MYH6: variants seen among roughly 807,000 people sequenced by gnomAD.
MYH6 encodes the protein myosin heavy chain 6.
Under a neutral mutation model 223.2 loss-of-function variants are expected in MYH6, and 126 were observed. That is an observed-to-expected ratio of 0.56 (90% CI 0.49 to 0.65). The LOEUF (loss-of-function observed/expected upper bound fraction) is 0.65, where lower values mean the gene tolerates loss of function less well. Ranked by LOEUF, MYH6 falls within the 30% of genes least tolerant of loss-of-function variation. The pLI, the probability that MYH6 is intolerant of heterozygous loss-of-function variation, is 0.00. For missense variants in MYH6, 2,040 were observed against 2,536.4 expected (o/e 0.80, Z 4.20); for synonymous variants, 978 against 1,010.2 (o/e 0.97, Z 0.61).
chr14:23,388,314 C>T lies in MYH6; in HGVS notation c.4200G>A (p.Gln1400=). The T allele has an allele frequency of 6.2e-7, 1 of 1,613,334 alleles. No homozygotes were observed. Among genetic ancestry groups the T allele is most frequent in the Admixed American group, 1.7e-5 (1 of 60,032 alleles). The change falls in exon 30 of 39, where the codon CAG becomes CAA. Residue 1400 remains glutamine, a synonymous_variant. Transcript: ENST00000405093. ...CAGCCTCCACGGCCTCCTCGGCATC[C>T]TGCAGCCGCTGGGCCAGCTTCTTTC... ...EAKKKLAQRL[Q]DAEEAVEAVN...
In MYH6 at chr14:23,407,000, C is replaced by T. The variant is rs770868046; in HGVS notation, c.201+23G>A. On this transcript the variant is annotated intron_variant, in intron 3 of 38. Transcript: ENST00000405093. Reference sequence around the variant, plus strand: ...CTTTCCCAGACCTCCTTCCCTTCTGCCCCGGCGCCATGCCCTACTCACCTT... The same window carrying T: ...CTTTCCCAGACCTCCTTCCCTTCTGTCCCGGCGCCATGCCCTACTCACCTT... 5.0e-6 allele frequency: 8 copies of T among 1,611,298 alleles called. No individual in the cohort carries two copies. In the Admixed American group the frequency reaches 1.2e-4, roughly 23 times the overall value.
intron 26 of MYH6, among the ~76,000 whole-genome samples, 155 bp from the exon 27 acceptor site, chr14:23,389,874 G>C (rs1297042071): frequency 6.6e-6 from 1 of 152,112 alleles, no homozygotes; most frequent in East Asian, 1.9e-4. Flanking sequence ...ATTAAAGAAA[G>C]GAGGAACATG....
In MYH6 at chr14:23,405,707, C is replaced by T. The variant is rs1289213430; in HGVS notation, c.265G>A (p.Asp89Asn). The T allele has an allele frequency of 6.2e-7, 1 of 1,614,150 alleles. No individual in the cohort carries two copies. Among genetic ancestry groups the T allele is most frequent in the Admixed American group, 1.7e-5 (1 of 60,016 alleles). ...QNPPKFDKIE[D>N]MAMLTFLHEP... ...TGCAGGAAGGTCAGCATGGCCATGT[C>T]CTCAATCTTGTCGAACTTGGGTGGG... is the stretch of plus-strand genomic sequence containing the variant. Residue 89 changes from aspartate (D) to asparagine (N), a missense_variant, in exon 4 of 39, where the codon GAC becomes AAC. Transcript: ENST00000405093. This position sits in a 1 kb window ranked among gnomAD's most constrained non-coding sequence, Gnocchi z 4.7.
At chr14:23,382,084 G>A in intron 38 of MYH6, 21 bp from the exon 39 acceptor site, 6 of 1,609,892 alleles carry the variant, frequency 3.7e-6, no homozygotes, top group South Asian at 1.1e-5. Flanking sequence ...AATAAGAGGT[G>A]TGAGGGGGCA....
intron 35 of MYH6, 59 bp downstream of exon 35, chr14:23,384,857 C>T: frequency 1.2e-6 from 2 of 1,613,216 alleles, no homozygotes. Context: ...AGTGGCCTGG[C>T]CTGGACCCAA....
rs1891417749 is a variant in MYH6 at position 23,397,031 on chromosome 14, C to T, written c.2100G>A (p.Val700=). 2 of 1,614,020 alleles carry T rather than the reference C, an allele frequency of 1.2e-6. No homozygotes were observed. Among genetic ancestry groups the T allele is most frequent in the Non-Finnish European group, 1.7e-6 (2 of 1,180,050 alleles). The change falls in exon 18 of 39, where the codon GTG becomes GTA. Residue 700 remains valine, a synonymous_variant. Coordinates refer to ENST00000405093, the MANE Select transcript of MYH6 (RefSeq NM_002471.4). ...LVMHQLRCNG[V]LEGIRICRKG... ...TCCTGCAGATGCGGATGCCCTCCAG[C>T]ACGCCATTGCAGCGCAGCTGGTGCA...
At chr14:23,383,098 C>A in intron 37 of MYH6, 127 bp downstream of exon 37, 2 of 892,532 alleles carry the variant, frequency 2.2e-6, no homozygotes, top group South Asian at 2.8e-5. Flanking sequence ...CCAGATGTGT[C>A]AAACAAATGT....
At position 23,407,122 on chromosome 14, in the gene MYH6, G is replaced by A. The variant is rs1263360960; in HGVS notation, c.102C>T (p.Arg34=). The change falls in exon 3 of 39, where the codon CGC becomes CGT. Residue 34 remains arginine, a synonymous_variant. Coordinates refer to ENST00000405093, the MANE Select transcript of MYH6 (RefSeq NM_002471.4). This position sits in a 1 kb window ranked among gnomAD's most constrained non-coding sequence, Gnocchi z 5.6. ...TGTCATCGGGCACGAAGCACTCAGT[G>A]CGAATGTCAAAGGGCCGGGTCTGGG... ...LEAQTRPFDI[R]TECFVPDDKE... The A allele has an allele frequency of 6.2e-7, 1 of 1,614,240 alleles. No individual in the cohort carries two copies. The highest frequency in any genetic ancestry group is 1.7e-5 in the Admixed American group (1 of 60,028).
chr14:23,390,299 C>T lies in MYH6; in HGVS notation c.3490G>A (p.Glu1164Lys), dbSNP rs1466179689. ...EAGGATSVQI[E>K]MNKKREAEFQ... Reference sequence around the variant, plus strand: ...TCGGCCTCGCGCTTCTTGTTCATCTCGATCTGCACGGACGTGGCCCCGCCG... The same window carrying T: ...TCGGCCTCGCGCTTCTTGTTCATCTTGATCTGCACGGACGTGGCCCCGCCG... Residue 1164 changes from glutamate (E) to lysine (K), a missense_variant, in exon 26 of 39, where the codon GAG becomes AAG. By Grantham distance (56) the Glu-to-Lys change is moderately conservative. This residue lies in a region of MYH6 where 1,203 missense variants were observed against 1,400.2 expected (regional missense o/e 0.86). Transcript: ENST00000405093. The T allele has an allele frequency of 5.0e-6, 8 of 1,603,582 alleles. No homozygotes were observed. The highest frequency in any genetic ancestry group is 1.3e-5 in the African/African-American group (1 of 74,334).
At position 23,385,013 on chromosome 14, in the gene MYH6, T is replaced by G. The variant is rs757373258; in HGVS notation, c.5192A>C (p.Lys1731Thr). 1 of 1,614,150 alleles carries G rather than the reference T, an allele frequency of 6.2e-7. No individual in the cohort carries two copies. Among genetic ancestry groups the G allele is most frequent in the South Asian group, 1.1e-5 (1 of 91,084 alleles). ...QNTSLINQKK[K>T]MESDLTQLQS... ...GAGCTGGGTCAGATCCGACTCCATC[T>G]TCTTCTTCTGGTTGATGAGGCTGGT... The change falls in exon 35 of 39, where the codon AAG (lysine) becomes ACG (threonine). Residue 1731 changes from lysine (K) to threonine (T), a missense_variant. Transcript: ENST00000405093.
chr14:23,393,415 T>G lies in MYH6; in HGVS notation c.3032A>C (p.Asp1011Ala). The G allele has an allele frequency of 1.2e-6, 2 of 1,614,186 alleles. No individual in the cohort carries two copies. The highest frequency in any genetic ancestry group is 1.7e-6 in the Non-Finnish European group (2 of 1,180,032). Reference sequence around the variant, plus strand: ...GACCTTGTCTTCCTCAACCTGAAGGTCATCCAGGGCCTGCTGATGGGCCTC... The same window carrying G: ...GACCTTGTCTTCCTCAACCTGAAGGGCATCCAGGGCCTGCTGATGGGCCTC... The part of the protein sequence containing the change: ...LQEAHQQALD[D>A]LQVEEDKVNS... Residue 1011 changes from aspartate to alanine, a missense_variant, in exon 23 of 39, where the codon GAC becomes GCC. Transcript: ENST00000405093.
intron 6 of MYH6, 87 bp from the exon 7 acceptor site, chr14:23,404,909 G>T: frequency 6.7e-7 from 1 of 1,485,082 alleles, no homozygotes; most frequent in Non-Finnish European, 9.4e-7. Context: ...TTCCCAGCCT[G>T]GCCATCAGAG....
chr14:23,388,307 C>T lies in MYH6; in HGVS notation c.4207G>A (p.Glu1403Lys), dbSNP rs769398160. Reference protein sequence around the residue: ...KKLAQRLQDAEEAVEAVNAKC... With the variant: ...KKLAQRLQDAKEAVEAVNAKC... Reference sequence around the variant, plus strand: ...GCATTAACAGCCTCCACGGCCTCCTCGGCATCCTGCAGCCGCTGGGCCAGC... The same window carrying T: ...GCATTAACAGCCTCCACGGCCTCCTTGGCATCCTGCAGCCGCTGGGCCAGC... The change falls in exon 30 of 39, where the codon GAG (glutamate) becomes AAG (lysine). Residue 1403 changes from glutamate to lysine, a missense_variant. By Grantham distance (56) the Glu-to-Lys change is moderately conservative (BLOSUM62 1). Around this residue, in one of 4 missense-constraint regions of MYH6, gnomAD observed 1,203 missense variants for 1,400.2 expected, o/e 0.86. Transcript: ENST00000405093. 1.9e-5 allele frequency: 31 copies of T among 1,613,350 alleles called. No homozygotes were observed. The highest frequency in any genetic ancestry group is 4.5e-5 in the East Asian group (2 of 44,884).
intron 7 of MYH6, 93 bp from the exon 8 acceptor site, chr14:23,404,481 G>A: frequency 1.2e-5 from 17 of 1,468,722 alleles, no homozygotes; most frequent in Non-Finnish European, 1.6e-5. Flanking sequence ...CTGAGGAATG[G>A]GGGTGCGGGG....
At position 23,397,250 on chromosome 14, in the gene MYH6, A is replaced by G; in HGVS notation, c.1970T>C (p.Leu657Pro). The change falls in exon 17 of 39, where the codon CTC (leucine) becomes CCC (proline). Residue 657 changes from leucine to proline, a missense_variant. Transcript: ENST00000405093. ...QTVSALHREN[L>P]NKLMTNLRTT... The stretch of plus-strand genomic sequence containing the variant: ...CCTCAGGTTGGTCATTAGCTTGTTG[A>G]GATTTTCCTGGAGGCAGATGAAGGT... The G allele has an allele frequency of 6.2e-7, 1 of 1,614,132 alleles. No homozygotes were observed. Among genetic ancestry groups the G allele is most frequent in the Non-Finnish European group, 8.5e-7 (1 of 1,180,002 alleles).
At chr14:23,403,549 T>C in intron 9 of MYH6, 103 bp from the exon 10 acceptor site, 1 of 1,190,128 alleles carries the variant, frequency 8.4e-7, no homozygotes, top group South Asian at 1.2e-5. Flanking sequence ...CACAGCTTGA[T>C]GAAGAGGGCC....
chr14:23,400,273 T>C lies in MYH6; in HGVS notation c.1564A>G (p.Ile522Val). The C allele has an allele frequency of 6.2e-7, 1 of 1,614,216 alleles. No homozygotes were observed. Residue 522 changes from isoleucine (I) to valine (V), a missense_variant, in exon 14 of 39, where the codon ATT becomes GTT. Ile to Val is a conservative substitution (Grantham distance 29). This residue lies in a region of MYH6 where 649 missense variants were observed against 877.3 expected (regional missense o/e 0.74). Coordinates refer to ENST00000405093, the MANE Select transcript of MYH6 (RefSeq NM_002471.4). The stretch of plus-strand genomic sequence containing the variant: ...GGAGGCACCTTCTCGATGAGGTCAA[T>C]GCAGGCCTGCAGGTCCATGCCAAAG... ...IDFGMDLQAC[I>V]DLIEKPMGIM...
chr14:23,391,387 T>G (rs1891232691), intron 25 of MYH6, among the ~76,000 whole-genome samples: 1 of 152,218 alleles, frequency 6.6e-6, no homozygotes, highest in Non-Finnish European at 1.5e-5. Context: ...CTAACAGGAC[T>G]GTTATTCTGT....
At chr14:23,399,553 TAC>T (rs147385398) in intron 14 of MYH6, among the ~76,000 whole-genome samples, 1 of 151,980 alleles carries the variant, frequency 6.6e-6, no homozygotes, top group South Asian at 2.1e-4. Flanking sequence ...AAAACGCATG[TAC>T]ACACACACAC....
Sources: allele counts gnomAD v4.1 joint callset (sites outside exome capture counted in the v4.1 genomes callset), GRCh38; gene constraint gnomAD v4.1.1; regional missense constraint gnomAD v4.1.1; non-coding constraint Gnocchi (gnomAD v3.1); transcripts MANE v1.5; gene names NCBI Gene and HGNC (gene_info 2026-07-23, HGNC 2026-07-21).